The following C16orf89 variants were observed in gnomAD, a reference collection of about 807,000 sequenced individuals.
The protein encoded by C16orf89 is chromosome 16 open reading frame 89.
A neutral mutation model predicts 41.5 loss-of-function variants in C16orf89; 57 were observed. That is an observed-to-expected ratio of 1.38 (90% confidence interval 1.11 to 1.71). C16orf89 has a LOEUF of 1.71. Ranked by LOEUF, C16orf89 falls within the 40% of genes most tolerant of loss-of-function variation. The pLI, the probability that C16orf89 is intolerant of heterozygous loss-of-function variation, is 0.00. For synonymous variants in C16orf89, 223 were observed against 190.6 expected (o/e 1.17, Z -1.40); for missense variants, 575 against 445.9 (o/e 1.29, Z -2.61).
chr16:5,055,991 GTGTGT>G, intron 5 of C16orf89, 57 bp downstream of exon 5: 1 of 1,038,856 alleles, frequency 9.6e-7, no homozygotes. Context: ...GTGTGTGTGT[GTGTGT>G]GTGTTGGTGG....
At chr16:5,056,912 G>A (rs1329634533) in intron 4 of C16orf89, among the ~76,000 whole-genome samples, 1 of 152,020 alleles carries the variant, frequency 6.6e-6, no homozygotes, top group South Asian at 2.1e-4. Flanking sequence ...ATTGTTTTTT[G>A]AATGAAGATA....
chr16:5,058,768 ATT>A (rs1956560344), intron 3 of C16orf89, 158 bp from the exon 4 acceptor site: 2 of 582,616 alleles, frequency 3.4e-6, no homozygotes, highest in African/African-American at 3.8e-5. Context: ...CTGCATTTTG[ATT>A]TGCTAAATCT....
intron 7 of C16orf89, chr16:5,044,890 A>G (rs1956267412): frequency 1.6e-6 from 2 of 1,253,874 alleles, no homozygotes; most frequent in Non-Finnish European, 1.0e-6. Flanking sequence ...GCAACTTGCA[A>G]GACGCTGAGT....
chr16:5,065,806 T>C lies in C16orf89; in HGVS notation c.103A>G (p.Ile35Val). ...AGCGCAGACAGGATCAGGTCTGCAA[T>C]GGTGGCTTTACTTTCAGCAGTGTCC... ...GLDTAESKAT[I>V]ADLILSALER... is the part of the protein sequence containing the mutation. The change falls in exon 1 of 8, where the codon ATT becomes GTT. Residue 35 changes from isoleucine to valine, a missense_variant. By Grantham distance (29) the Ile-to-Val change is conservative. Coordinates refer to ENST00000472572, the MANE Select transcript of C16orf89 (RefSeq NM_001098514.3). The C allele has an allele frequency of 6.2e-7, 1 of 1,614,150 alleles. No individual in the cohort carries two copies. The highest frequency in any genetic ancestry group is 8.5e-7 in the Non-Finnish European group (1 of 1,179,970).
intron 1 of C16orf89, among the ~76,000 whole-genome samples, chr16:5,063,789 A>G (rs933570855): frequency 1.3e-5 from 2 of 152,190 alleles, no homozygotes; most frequent in African/African-American, 2.4e-5. Context: ...CTGATTCTAC[A>G]TTGTGGCGAG....
chr16:5,048,532 C>G (rs970618791), intron 6 of C16orf89, among the ~76,000 whole-genome samples: 1 of 152,130 alleles, frequency 6.6e-6, no homozygotes, highest in East Asian at 1.9e-4. Context: ...ACCATCAGAA[C>G]CACTGGAGGT....
intron 4 of C16orf89, among the ~76,000 whole-genome samples, chr16:5,057,404 T>C (rs1956533389): frequency 6.7e-6 from 1 of 148,200 alleles, no homozygotes; most frequent in Non-Finnish European, 1.5e-5. Flanking sequence ...TAGTGGTATA[T>C]ATATAGTGGC....
intron 6 of C16orf89, among the ~76,000 whole-genome samples, chr16:5,052,465 C>T (rs1487322851): frequency 1.3e-5 from 2 of 152,126 alleles, no homozygotes; most frequent in Non-Finnish European, 2.9e-5. Context: ...GTGGCTCCCA[C>T]CTGTAGTCTC....
chr16:5,064,372 A>G (rs1209484739), intron 1 of C16orf89, among the ~76,000 whole-genome samples: 1 of 152,188 alleles, frequency 6.6e-6, no homozygotes, highest in South Asian at 2.1e-4. Context: ...AGGATGCTCA[A>G]TGCTTTGATA....
chr16:5,051,888 C>T (rs1208383787), intron 6 of C16orf89, among the ~76,000 whole-genome samples: 3 of 151,912 alleles, frequency 2.0e-5, no homozygotes, highest in Non-Finnish European at 2.9e-5. Flanking sequence ...TCACTTGAGG[C>T]CAGGGGCTCA....
At chr16:5,061,074 AAC>A (rs770553149) in intron 2 of C16orf89, among the ~76,000 whole-genome samples, 1 of 150,662 alleles carries the variant, frequency 6.6e-6, no homozygotes, top group Non-Finnish European at 1.5e-5. Context: ...CAGTCTGGCT[AAC>A]ACAGTGAAAT....
rs951246941 is a variant in C16orf89 at position 5,060,456 on chromosome 16, G to C, written c.359-20C>G. 4.4e-6 allele frequency: 7 copies of C among 1,605,704 alleles called. No individual in the cohort carries two copies. Among genetic ancestry groups the C allele is most frequent in the Non-Finnish European group, 6.0e-6 (7 of 1,175,418 alleles). ...GGAACTCTGGCAGAGAGGACAGATA[G>C]ATGGGGTGGGGTGTGGGGGTGACCC... On this transcript the variant is annotated intron_variant, in intron 2 of 7. Coordinates refer to ENST00000472572, the MANE Select transcript of C16orf89 (RefSeq NM_001098514.3).
intron 2 of C16orf89, among the ~76,000 whole-genome samples, chr16:5,061,504 A>AAGAAC (rs1567159542): frequency 6.4e-5 from 4 of 62,594 alleles, no homozygotes; most frequent in Non-Finnish European, 1.0e-4. Context: ...AAAAAAAAAA[A>AAGAAC]CCCCCCCAAA....
At chr16:5,056,731 T>C (rs959833169) in intron 4 of C16orf89, among the ~76,000 whole-genome samples, 5 of 152,248 alleles carry the variant, frequency 3.3e-5, no homozygotes, top group Admixed American at 2.0e-4. Flanking sequence ...TCAGAGTTAC[T>C]TTCCACCTGC....
intron 5 of C16orf89, 112 bp downstream of exon 5, chr16:5,055,937 CCGTG>C: frequency 2.7e-6 from 3 of 1,107,520 alleles, no homozygotes; most frequent in Non-Finnish European, 3.8e-6. Flanking sequence ...TCTGGCAACT[CCGTG>C]TGTGTGTGTG....
intron 1 of C16orf89, 51 bp from the exon 2 acceptor site, chr16:5,062,625 T>C (rs769710698): frequency 4.4e-5 from 67 of 1,509,208 alleles, no homozygotes; most frequent in Non-Finnish European, 4.8e-5. Context: ...CGGGACCTTT[T>C]TTTGCCTTGG....
Position 5,055,416 on chromosome 16 carries a change from G to A in C16orf89, c.764-66C>T, listed in dbSNP as rs112764659. 1.8e-3 allele frequency: 2,464 copies of A among 1,396,204 alleles called. 35 individuals are homozygous for A. The African/African-American group carries it at 0.029, about 17-fold the overall frequency. The allele number at this position is 1,396,204 out of a possible 1,614,324, so 86.5% of individuals were successfully genotyped here. ...AGGCCCACCTCCTCCCACTCCCCAG[G>A]GCTGCCACGGTGCCACCTGCCTTCA... On this transcript the variant is annotated intron_variant, in intron 5 of 7. Coordinates refer to ENST00000472572, the MANE Select transcript of C16orf89 (RefSeq NM_001098514.3).
chr16:5,047,877 C>T lies in C16orf89; in HGVS notation c.955+1G>A. On this transcript the variant is annotated splice_donor_variant, in intron 7 of 7. Coordinates refer to ENST00000472572, the MANE Select transcript of C16orf89 (RefSeq NM_001098514.3). LOFTEE classifies it high-confidence loss of function. The stretch of plus-strand genomic sequence containing the variant: ...GAAACTCCCTTGGGTATTTTCATTA[C>T]CTGGAAATTGTTTTTCTCGCCTCTT... 1 of 1,540,518 alleles carries T rather than the reference C, an allele frequency of 6.5e-7. No individual in the cohort carries two copies.
chr16:5,059,836 G>A (rs187124931), intron 3 of C16orf89, among the ~76,000 whole-genome samples: 4 of 149,966 alleles, frequency 2.7e-5, no homozygotes, highest in South Asian at 2.2e-4. Flanking sequence ...TGGGGTCAGA[G>A]ATAGGATGGG....
Sources: allele counts gnomAD v4.1 joint callset (sites outside exome capture counted in the v4.1 genomes callset), GRCh38; gene constraint gnomAD v4.1.1; transcripts MANE v1.5; gene names NCBI Gene and HGNC (gene_info 2026-07-23, HGNC 2026-07-21).